Variants in PELI2 observed in about 807,000 individuals in gnomAD.
PELI2 encodes E3 ubiquitin-protein ligase pellino homolog 2.
Under a neutral mutation model 42.3 loss-of-function variants are expected in PELI2, and 23 were observed. The observed-to-expected ratio is 0.54, with a 90% CI of 0.39 to 0.77. PELI2 has a LOEUF of 0.77. Ranked by LOEUF, PELI2 falls within the 30% of genes least tolerant of loss-of-function variation. PELI2 has a pLI of 0.00. For synonymous variants in PELI2, 245 were observed against 212.2 expected (o/e 1.15, Z -1.34); for missense variants, 463 against 553.2 (o/e 0.84, Z 1.64).
intron 2 of PELI2, among the ~76,000 whole-genome samples, chr14:56,183,451 CG>C (rs1166478855): frequency 6.6e-5 from 10 of 152,064 alleles, no homozygotes; most frequent in Admixed American, 1.3e-4. Context: ...AAAAAATTTA[CG>C]AAGTATCAAT....
chr14:56,223,478 C>CG (rs1257123056), intron 2 of PELI2, among the ~76,000 whole-genome samples: 2 of 152,144 alleles, frequency 1.3e-5, no homozygotes, highest in Non-Finnish European at 2.9e-5. Flanking sequence ...ATCCTGGTCT[C>CG]TACTCGCATG....
intron 2 of PELI2, among the ~76,000 whole-genome samples, chr14:56,223,676 T>C (rs780428175): frequency 6.6e-6 from 1 of 152,204 alleles, no homozygotes; most frequent in Non-Finnish European, 1.5e-5. Flanking sequence ...TACTAGAAAA[T>C]ATTTGATCAT....
intron 1 of PELI2, among the ~76,000 whole-genome samples, chr14:56,162,655 G>A (rs922933525): frequency 1.6e-4 from 24 of 152,096 alleles, no homozygotes; most frequent in East Asian, 7.7e-4. Context: ...GTCATATGGT[G>A]CTCAATTTTT....
intron 2 of PELI2, among the ~76,000 whole-genome samples, chr14:56,274,768 C>T (rs937204728): frequency 6.6e-6 from 1 of 152,170 alleles, no homozygotes; most frequent in Admixed American, 6.5e-5. Context: ...AATACATATC[C>T]TCAGCTGAGA....
intron 2 of PELI2, among the ~76,000 whole-genome samples, chr14:56,202,816 A>G (rs1886379728): frequency 6.6e-6 from 1 of 152,204 alleles, no homozygotes; most frequent in Admixed American, 6.5e-5. Flanking sequence ...AAACAGCTAG[A>G]CAAATCCAGA....
chr14:56,174,900 A>G (rs1885317231), intron 1 of PELI2, among the ~76,000 whole-genome samples: 1 of 152,082 alleles, frequency 6.6e-6, no homozygotes, highest in South Asian at 2.1e-4. Flanking sequence ...CTCCACTTGA[A>G]CTTCATACTC....
At position 56,297,539 on chromosome 14, in the gene PELI2, G is replaced by A; in HGVS notation, c.*373G>A. The stretch of plus-strand genomic sequence containing the variant: ...GTAGAAGAAATTTATTCAAAAGTGT[G>A]GGCTCATGAAGTTCACTTCAGTGCA... On this transcript the variant is annotated 3_prime_UTR_variant, in exon 6 of 6. Coordinates refer to ENST00000267460, the MANE Select transcript of PELI2 (RefSeq NM_021255.3). 1 of 223,500 alleles carries A rather than the reference G, an allele frequency of 4.5e-6. No homozygotes were observed. Among genetic ancestry groups the A allele is most frequent in the Non-Finnish European group, 8.9e-6 (1 of 112,688 alleles). 13.8% of individuals were successfully genotyped at this position (223,500 alleles called of 1,614,324 possible).
intron 2 of PELI2, among the ~76,000 whole-genome samples, chr14:56,246,675 C>A (rs940455884): frequency 4.3e-4 from 66 of 151,910 alleles, no homozygotes; most frequent in Admixed American, 4.3e-3. Context: ...CTTTATTTAA[C>A]CCATATTACT....
At chr14:56,199,951 G>A (rs1445412176) in intron 2 of PELI2, among the ~76,000 whole-genome samples, 1 of 152,212 alleles carries the variant, frequency 6.6e-6, no homozygotes, top group Non-Finnish European at 1.5e-5. Flanking sequence ...ACCTTACATG[G>A]ATGGCAACGC....
intron 2 of PELI2, among the ~76,000 whole-genome samples, chr14:56,181,702 T>C (rs1398246271): frequency 6.6e-6 from 1 of 152,188 alleles, no homozygotes; most frequent in Non-Finnish European, 1.5e-5. Context: ...TAGTTTTCCA[T>C]GCATGTCTAT....
chr14:56,141,000 T>C (rs1193022951), intron 1 of PELI2, among the ~76,000 whole-genome samples: 1 of 152,152 alleles, frequency 6.6e-6, no homozygotes, highest in African/African-American at 2.4e-5. Flanking sequence ...AGTTGTCCTG[T>C]CTGCTGAGGA....
chr14:56,285,556 G>T (rs777284139), intron 3 of PELI2, among the ~76,000 whole-genome samples: 3 of 151,972 alleles, frequency 2.0e-5, no homozygotes, highest in African/African-American at 7.3e-5. Context: ...GGGAAGGGGG[G>T]ACTATTTACC....
chr14:56,167,457 C>T (rs972393980), intron 1 of PELI2, among the ~76,000 whole-genome samples: 2 of 152,192 alleles, frequency 1.3e-5, no homozygotes, highest in Admixed American at 6.5e-5. Flanking sequence ...TATTAAAGGA[C>T]TCTGATGCAT....
chr14:56,271,063 A>G (rs1205400570), intron 2 of PELI2, among the ~76,000 whole-genome samples: 1 of 152,158 alleles, frequency 6.6e-6, no homozygotes, highest in African/African-American at 2.4e-5. Flanking sequence ...AGGTGATGCA[A>G]TTTTAGATGC....
chr14:56,235,298 G>T (rs1195656332), intron 2 of PELI2, among the ~76,000 whole-genome samples: 1 of 152,096 alleles, frequency 6.6e-6, no homozygotes, highest in Non-Finnish European at 1.5e-5. Context: ...AAAGAAAAAA[G>T]ATTATTATAA....
chr14:56,248,860 G>GC (rs1888248347), intron 2 of PELI2, among the ~76,000 whole-genome samples: 1 of 151,992 alleles, frequency 6.6e-6, no homozygotes, highest in African/African-American at 2.4e-5. Flanking sequence ...CAGTCCATGT[G>GC]CTGCGGCTGC....
chr14:56,216,813 C>A (rs202056863), intron 2 of PELI2, among the ~76,000 whole-genome samples: 1 of 152,210 alleles, frequency 6.6e-6, no homozygotes, highest in East Asian at 1.9e-4. Context: ...ACTTACCCCG[C>A]AGACAGTTGG....
Position 56,153,136 on chromosome 14 carries a change from T to C in PELI2, c.78-25199T>C, listed in dbSNP as rs145905887. On this transcript the variant is annotated intron_variant, in intron 1 of 5. Transcript: ENST00000267460. ...TCATAACTCTTTGAATCTCATTACATTAGCATTTTAAAAAAAGCATGAGAA... is the reference window on the plus strand; with the variant it reads ...TCATAACTCTTTGAATCTCATTACACTAGCATTTTAAAAAAAGCATGAGAA... Among the ~76,000 whole-genome samples the C allele has an allele frequency of 3.9e-5, 6 of 152,324 alleles. 1 individual carries two copies. The highest frequency in any genetic ancestry group is 1.4e-4 in the African/African-American group (6 of 41,574).
chr14:56,224,411 T>G (rs1887266184), intron 2 of PELI2, among the ~76,000 whole-genome samples: 3 of 152,214 alleles, frequency 2.0e-5, no homozygotes, highest in African/African-American at 7.2e-5. Flanking sequence ...TCTTCTCACT[T>G]GGAAAGTCCA....
Sources: gnomAD v4.1 joint callset for allele counts (sites outside exome capture counted in the v4.1 genomes callset) on GRCh38, gnomAD v4.1.1 for gene constraint, MANE v1.5 for transcripts, NCBI Gene and HGNC (gene_info 2026-07-23, HGNC 2026-07-21) for gene names.